Variants in GABRA6 observed in about 807,000 individuals in gnomAD.
GABRA6 encodes the protein gamma-aminobutyric acid type A receptor subunit alpha6, also known as gamma-aminobutyric acid receptor subunit alpha-6.
Under a neutral mutation model 47.3 loss-of-function variants are expected in GABRA6, and 45 were observed. The ratio of observed to expected loss-of-function variants is 0.95; its 90% CI spans 0.75 to 1.22. The LOEUF is 1.22. Among genes scored for constraint, GABRA6 ranks in the 50% most tolerant of loss-of-function variants. The pLI, the probability that GABRA6 is intolerant of heterozygous loss-of-function variation, is 0.00. For synonymous variants in GABRA6, 219 were observed against 194.7 expected, an observed-to-expected ratio of 1.12 and a Z score of -1.04; for missense variants, 583 against 549.3, an observed-to-expected ratio of 1.06 and a Z score of -0.61.
intron 7 of GABRA6, 64 bp downstream of exon 7, chr5:161,690,417 G>A (rs941015523): frequency 5.3e-6 from 8 of 1,506,106 alleles, no homozygotes; most frequent in Non-Finnish European, 7.3e-6. Context: ...TGTGTATTTT[G>A]AGTAAATATT....
chr5:161,687,566 G>T (rs1430089468), intron 3 of GABRA6: 5 of 454,910 alleles, frequency 1.1e-5, no homozygotes, highest in African/African-American at 4.0e-5. Flanking sequence ...TTTATAGTAA[G>T]TAGCAATGAA....
Position 161,685,819 on chromosome 5 carries a change from C to A in GABRA6, c.-171C>A. On this transcript the variant is annotated 5_prime_UTR_variant, in exon 1 of 9. Transcript: ENST00000274545. ...CAAGAAAGAAGGGAGCCAGGGGAAT[C>A]CTGCAAATTTTTAGGCAACCTCTTT... The A allele has an allele frequency of 1.5e-6, 1 of 669,042 alleles. No homozygotes were observed. Among genetic ancestry groups the A allele is most frequent in the Non-Finnish European group, 2.7e-6 (1 of 367,526 alleles). 41.4% of individuals were successfully genotyped at this position (669,042 alleles called of 1,614,324 possible).
chr5:161,690,975 A>G (rs1312537860), intron 7 of GABRA6, among the ~76,000 whole-genome samples: 4 of 152,116 alleles, frequency 2.6e-5, no homozygotes, highest in Non-Finnish European at 5.9e-5. Context: ...GATTTTTTAA[A>G]TTTACTAAGT....
intron 3 of GABRA6, chr5:161,687,347 T>G: frequency 2.6e-6 from 1 of 383,330 alleles, no homozygotes; most frequent in Non-Finnish European, 5.0e-6. Flanking sequence ...ACAGATCTTA[T>G]TCCATATAAA....
chr5:161,686,134 G>T (rs1754686464), intron 1 of GABRA6, 96 bp from the exon 2 acceptor site: 3 of 1,358,404 alleles, frequency 2.2e-6, no homozygotes, highest in East Asian at 2.3e-5. Context: ...GCCAGAAGTG[G>T]TGTTGCATGT....
chr5:161,687,208 G>A (rs1561723705), intron 3 of GABRA6: 1 of 604,808 alleles, frequency 1.7e-6, no homozygotes, highest in African/African-American at 1.8e-5. Flanking sequence ...TTTAAGCTGA[G>A]GGACTTTTTA....
intron 7 of GABRA6, among the ~76,000 whole-genome samples, chr5:161,691,700 AAT>A (rs1455822461): frequency 6.6e-6 from 1 of 152,050 alleles, no homozygotes; most frequent in African/African-American, 2.4e-5. Context: ...TAACTAGTTC[AAT>A]TCAGCAAACT....
chr5:161,701,672 T>G lies in GABRA6; in HGVS notation c.1261T>G (p.Ser421Ala), dbSNP rs1405979797. ...FGGTSKIDQY[S>A]RILFPVAFAG... ...AGGCACCAGTAAAATAGACCAGTAT[T>G]CTCGAATTCTCTTCCCAGTTGCATT... is the stretch of plus-strand genomic sequence containing the variant. Residue 421 changes from serine (S) to alanine (A), a missense_variant, in exon 9 of 9, where the codon TCT becomes GCT. Transcript: ENST00000274545. 2.5e-6 allele frequency: 4 copies of G among 1,614,198 alleles called. No homozygotes were observed. The highest frequency in any genetic ancestry group is 2.5e-6 in the Non-Finnish European group (3 of 1,180,024).
chr5:161,689,804 A>G (rs541145520), intron 6 of GABRA6, 25 bp downstream of exon 6: 3 of 1,603,748 alleles, frequency 1.9e-6, no homozygotes, highest in East Asian at 4.5e-5. Context: ...AAAGGATGGA[A>G]ATAATCCCTC....
At chr5:161,686,092 T>C (rs1223595336) in intron 1 of GABRA6, 65 bp downstream of exon 1, 3 of 1,488,226 alleles carry the variant, frequency 2.0e-6, no homozygotes, top group Non-Finnish European at 2.8e-6. Context: ...TATACATCCA[T>C]TGGGTGACTC....
intron 8 of GABRA6, among the ~76,000 whole-genome samples, chr5:161,696,539 G>T (rs1394864879): frequency 1.3e-5 from 2 of 152,010 alleles, no homozygotes; most frequent in African/African-American, 4.8e-5. Flanking sequence ...AGGCAGGATG[G>T]ATTAGACGAG....
At chr5:161,700,959 T>C (rs1260528291) in intron 8 of GABRA6, among the ~76,000 whole-genome samples, 1 of 152,242 alleles carries the variant, frequency 6.6e-6, no homozygotes, top group Admixed American at 6.5e-5. Flanking sequence ...TTATTTATTT[T>C]TTAAATCCTT....
At chr5:161,687,676 A>C (rs1178494013) in intron 3 of GABRA6, 2 of 300,722 alleles carry the variant, frequency 6.7e-6, no homozygotes, top group Non-Finnish European at 1.3e-5. Context: ...ATGAATGCTG[A>C]AGTAAACATA....
intron 1 of GABRA6, 68 bp downstream of exon 1, chr5:161,686,095 G>T (rs371494767): frequency 2.3e-4 from 341 of 1,481,918 alleles, no homozygotes; most frequent in Middle Eastern, 1.4e-3. Flanking sequence ...ACATCCATTG[G>T]GTGACTCCTA....
chr5:161,699,080 G>A (rs1754934034), intron 8 of GABRA6, among the ~76,000 whole-genome samples: 1 of 152,030 alleles, frequency 6.6e-6, no homozygotes, highest in Non-Finnish European at 1.5e-5. Context: ...GAATAAGCAA[G>A]GCTTTACATT....
chr5:161,685,857 A>G lies in GABRA6; in HGVS notation c.-133A>G, dbSNP rs769521010. The G allele has an allele frequency of 3.2e-5, 25 of 789,740 alleles. No individual in the cohort carries two copies. The highest frequency in any genetic ancestry group is 5.2e-5 in the Non-Finnish European group (23 of 438,926). The allele number at this position is 789,740 out of a possible 1,614,324, so 48.9% of individuals were successfully genotyped here. A position where few individuals can be genotyped will look rare whatever the true frequency, so the allele number is the denominator to read the frequency against. ...AGGCAACCTCTTTATCTATTGGATT[A>G]CTGACTTGAGGCAAACAAGGAACAG... On this transcript the variant is annotated 5_prime_UTR_variant, in exon 1 of 9. Coordinates refer to ENST00000274545, the MANE Select transcript of GABRA6 (RefSeq NM_000811.3).
At chr5:161,700,427 C>A (rs574150414) in intron 8 of GABRA6, among the ~76,000 whole-genome samples, 2 of 152,160 alleles carry the variant, frequency 1.3e-5, no homozygotes, top group African/African-American at 4.8e-5. Flanking sequence ...AGGATGCAGA[C>A]AAGAAAAGAT....
intron 3 of GABRA6, 66 bp downstream of exon 3, chr5:161,687,069 TG>T: frequency 7.8e-7 from 1 of 1,283,426 alleles, no homozygotes; most frequent in Non-Finnish European, 1.1e-6. Flanking sequence ...CCAAAACTAA[TG>T]ATAATGGGCA....
intron 7 of GABRA6, among the ~76,000 whole-genome samples, chr5:161,691,251 A>T (rs1025335733): frequency 1.2e-4 from 17 of 145,726 alleles, no homozygotes; most frequent in Non-Finnish European, 1.8e-4. Context: ...AGCTGGTAAA[A>T]TTGGTCTGAA....
Sources: gnomAD v4.1 joint callset for allele counts (sites outside exome capture counted in the v4.1 genomes callset) on GRCh38, gnomAD v4.1.1 for gene constraint, MANE v1.5 for transcripts, NCBI Gene and HGNC (gene_info 2026-07-23, HGNC 2026-07-21) for gene names.